The following TRAPPC9 variants were observed in gnomAD, a reference collection of about 807,000 sequenced individuals.
TRAPPC9 encodes trafficking protein particle complex subunit 9.
In TRAPPC9, 83 loss-of-function variants were observed where a neutral mutation model predicts 124.0. The ratio of observed to expected loss-of-function variants is 0.67; its 90% CI spans 0.56 to 0.80. TRAPPC9 has a LOEUF of 0.80. Ranked by LOEUF, TRAPPC9 falls within the 30% of genes least tolerant of loss-of-function variation. The pLI is 0.00. For synonymous variants in TRAPPC9, 638 were observed against 617.5 expected, an observed-to-expected ratio of 1.03 and a Z score of -0.49; for missense variants, 1,302 against 1,508.3, an observed-to-expected ratio of 0.86 and a Z score of 2.27.
At chr8:139,989,152 A>C (rs910989180) in intron 18 of TRAPPC9, among the ~76,000 whole-genome samples, 2 of 152,186 alleles carry the variant, frequency 1.3e-5, no homozygotes, top group African/African-American at 4.8e-5. Flanking sequence ...CCAAACCTCA[A>C]TATACACTGA....
chr8:139,973,269 C>T lies in TRAPPC9; in HGVS notation c.2810+15457G>A, dbSNP rs551061057. On this transcript the variant is annotated intron_variant, in intron 19 of 22. Coordinates refer to ENST00000438773, the MANE Select transcript of TRAPPC9 (RefSeq NM_001160372.4). ...GGGAGGCCTTGGAGGGGTCAGGCCC[C>T]GCACCGTATCACCCCAGCAGCAGGG... Among the ~76,000 whole-genome samples the T allele has an allele frequency of 7.9e-4, 121 of 152,342 alleles. 2 individuals are homozygous for T. Among genetic ancestry groups the T allele is most frequent in the Admixed American group, 1.2e-3 (18 of 15,310 alleles).
chr8:139,938,453 A>T (rs2665915), intron 19 of TRAPPC9, among the ~76,000 whole-genome samples: 135,596 of 151,802 alleles, frequency 0.89, 60,662 homozygotes, highest in Middle Eastern at 0.99. Flanking sequence ...CCCAGCTAAT[A>T]TTTTGTATTT....
At position 139,980,825 on chromosome 8, in the gene TRAPPC9, C is replaced by G. The variant is rs142281879; in HGVS notation, c.2810+7901G>C. On this transcript the variant is annotated intron_variant, in intron 19 of 22. Coordinates refer to ENST00000438773, the MANE Select transcript of TRAPPC9 (RefSeq NM_001160372.4). ...GACAGGGTGGGCGTGGGAGGAGCCACACGCCCCCCACCTTCCACGCGCTAG... is the reference window on the plus strand; with the variant it reads ...GACAGGGTGGGCGTGGGAGGAGCCAGACGCCCCCCACCTTCCACGCGCTAG... Among the ~76,000 whole-genome samples, 513 of 152,264 alleles carry G rather than the reference C, an allele frequency of 3.4e-3. 2 individuals carry two copies. The highest frequency in any genetic ancestry group is 0.012 in the African/African-American group (479 of 41,558).
At chr8:140,186,547 G>A (rs1181107202) in intron 17 of TRAPPC9, among the ~76,000 whole-genome samples, 6 of 151,808 alleles carry the variant, frequency 4.0e-5, no homozygotes, top group Admixed American at 6.6e-5. Context: ...CAGCCTAGGC[G>A]ACAGAGCGAG....
intron 21 of TRAPPC9, among the ~76,000 whole-genome samples, chr8:139,743,214 C>T (rs1016994649): frequency 1.3e-5 from 2 of 152,176 alleles, no homozygotes. Context: ...TTCACTTGTC[C>T]TTCAGGGCAT....
At chr8:140,168,401 C>A (rs551780066) in intron 17 of TRAPPC9, among the ~76,000 whole-genome samples, 4 of 152,276 alleles carry the variant, frequency 2.6e-5, no homozygotes, top group African/African-American at 7.2e-5. Flanking sequence ...ACCCATTTAG[C>A]AGCTGATGCC....
In TRAPPC9 at chr8:139,848,415, G is replaced by A. The variant is rs544012003; in HGVS notation, c.3055+37464C>T. Among the ~76,000 whole-genome samples the A allele has an allele frequency of 2.3e-4, 35 of 152,242 alleles. No individual in the cohort carries two copies. The South Asian group carries it at 3.3e-3, about 14-fold the overall frequency. The stretch of plus-strand genomic sequence containing the variant: ...CCAGTCTAGAGTGGCATATCACACG[G>A]TGATAGATTGATTGCCTGCAATACA... On this transcript the variant is annotated intron_variant, in intron 21 of 22. Coordinates refer to ENST00000438773, the MANE Select transcript of TRAPPC9 (RefSeq NM_001160372.4).
intron 21 of TRAPPC9, among the ~76,000 whole-genome samples, chr8:139,817,703 G>A (rs1431499477): frequency 6.6e-6 from 1 of 152,194 alleles, no homozygotes; most frequent in African/African-American, 2.4e-5. Context: ...CCTTTGCAAG[G>A]GTCCTAATGA....
chr8:139,957,878 CCCGTGTTCTAATCAAA>C (rs2131544419), intron 19 of TRAPPC9, among the ~76,000 whole-genome samples: 1 of 152,346 alleles, frequency 6.6e-6, no homozygotes, highest in South Asian at 2.1e-4. Flanking sequence ...CTCCAAAGGC[CCCGTGTTCTAATCAAA>C]CTGACGTCGT....
chr8:139,864,528 G>A (rs938874091), intron 21 of TRAPPC9, among the ~76,000 whole-genome samples: 4 of 152,192 alleles, frequency 2.6e-5, no homozygotes, highest in Non-Finnish European at 5.9e-5. Flanking sequence ...TCGTCCTGTG[G>A]ATGGCACCAG....
intron 7 of TRAPPC9, among the ~76,000 whole-genome samples, 198 bp from the exon 8 acceptor site, chr8:140,371,378 C>T (rs2068278171): frequency 6.6e-6 from 1 of 152,264 alleles, no homozygotes; most frequent in Admixed American, 6.5e-5. Context: ...GCTGCAGGTG[C>T]AGCCCATCTT....
intron 17 of TRAPPC9, chr8:140,094,919 C>T (rs1387009541): frequency 6.6e-6 from 1 of 152,254 alleles, no homozygotes; most frequent in Non-Finnish European, 1.5e-5. Context: ...ACATTTATTT[C>T]CTCACCTGCA....
intron 17 of TRAPPC9, among the ~76,000 whole-genome samples, chr8:140,086,987 T>G (rs1844228987): frequency 6.6e-6 from 1 of 151,792 alleles, no homozygotes; most frequent in Non-Finnish European, 1.5e-5. Context: ...GCCACCATCC[T>G]GTTTCCCTGT....
At position 140,063,787 on chromosome 8, in the gene TRAPPC9, G is replaced by A. The variant is rs150065443; in HGVS notation, c.2557-39708C>T. The stretch of plus-strand genomic sequence containing the variant: ...GGCGGGGTATGCATCAAATTTCTCC[G>A]AGTGTCTCCTCAGTGGCCCATGTTG... On this transcript the variant is annotated intron_variant, in intron 17 of 22. Coordinates refer to ENST00000438773, the MANE Select transcript of TRAPPC9 (RefSeq NM_001160372.4). This position sits in a 1 kb window ranked among gnomAD's most constrained non-coding sequence, Gnocchi z 4.3. Among the ~76,000 whole-genome samples the A allele has an allele frequency of 4.1e-4, 62 of 152,164 alleles. No homozygotes were observed. In the East Asian group the frequency reaches 0.011, roughly 27 times the overall value.
chr8:139,761,768 G>A (rs143332234), intron 21 of TRAPPC9, among the ~76,000 whole-genome samples: 1 of 151,824 alleles, frequency 6.6e-6, no homozygotes, highest in Non-Finnish European at 1.5e-5. Flanking sequence ...CCGTTCTGCT[G>A]TCCTGTCACG....
intron 9 of TRAPPC9, 106 bp downstream of exon 9, chr8:140,359,944 T>C: frequency 6.7e-7 from 1 of 1,502,260 alleles, no homozygotes; most frequent in Middle Eastern, 1.7e-4. Flanking sequence ...CTGGGCAGCA[T>C]CTTCCACCCA....
chr8:140,124,910 A>G (rs1349907179), intron 17 of TRAPPC9, among the ~76,000 whole-genome samples: 2 of 152,264 alleles, frequency 1.3e-5, no homozygotes, highest in African/African-American at 4.8e-5. Flanking sequence ...AGAGCTTAAA[A>G]AGAAGACCTT....
chr8:140,198,535 A>C (rs2062716765), intron 17 of TRAPPC9, among the ~76,000 whole-genome samples: 1 of 152,020 alleles, frequency 6.6e-6, no homozygotes, highest in Non-Finnish European at 1.5e-5. Flanking sequence ...TTCAGCCCTG[A>C]CCAATCAGCA....
chr8:139,869,163 T>C (rs1484638159), intron 21 of TRAPPC9, among the ~76,000 whole-genome samples: 1 of 152,194 alleles, frequency 6.6e-6, no homozygotes, highest in Non-Finnish European at 1.5e-5. Context: ...GACTTTGAAG[T>C]TGGATCAGAA....
Sources: gnomAD v4.1 joint callset for allele counts (sites outside exome capture counted in the v4.1 genomes callset) on GRCh38, gnomAD v4.1.1 for gene constraint, Gnocchi (gnomAD v3.1) non-coding constraint, MANE v1.5 for transcripts, NCBI Gene and HGNC (gene_info 2026-07-23, HGNC 2026-07-21) for gene names.